The following NGF variants were observed in gnomAD, a reference collection of about 807,000 sequenced individuals.
The protein encoded by NGF is beta-nerve growth factor.
Under a neutral mutation model 12.8 loss-of-function variants are expected in NGF, and 4 were observed. That is an observed-to-expected ratio of 0.31 (90% confidence interval 0.15 to 0.72). NGF has a LOEUF of 0.72. NGF is among the 30% of genes least tolerant of loss of function. The pLI, the probability that NGF is intolerant of heterozygous loss-of-function variation, is 0.69. For synonymous variants in NGF, 140 were observed against 130.0 expected (o/e 1.08, Z -0.52); for missense variants, 283 against 330.8 (o/e 0.86, Z 1.12).
intron 1 of NGF, among the ~76,000 whole-genome samples, chr1:115,294,301 C>T (rs983304747): frequency 1.3e-5 from 2 of 152,278 alleles, no homozygotes; most frequent in South Asian, 4.1e-4. Flanking sequence ...GAGTACCACA[C>T]TGAAAGGCAG....
intron 1 of NGF, among the ~76,000 whole-genome samples, chr1:115,332,564 C>T (rs1654950986): frequency 6.6e-6 from 1 of 152,134 alleles, no homozygotes; most frequent in Admixed American, 6.5e-5. Context: ...TCAGCCCTTC[C>T]AAGGGAGAAC....
intron 1 of NGF, among the ~76,000 whole-genome samples, chr1:115,326,890 T>A (rs1654794147): frequency 6.6e-6 from 1 of 152,196 alleles, no homozygotes; most frequent in African/African-American, 2.4e-5. Flanking sequence ...GCAACAGCCC[T>A]AATAGATATG....
chr1:115,312,743 T>C (rs1654367235), intron 1 of NGF, among the ~76,000 whole-genome samples: 1 of 152,182 alleles, frequency 6.6e-6, no homozygotes, highest in Admixed American at 6.5e-5. Flanking sequence ...GACCTTAATA[T>C]TGACCTTGAA....
intron 1 of NGF, among the ~76,000 whole-genome samples, chr1:115,326,613 C>T (rs1260139366): frequency 6.6e-6 from 1 of 152,126 alleles, no homozygotes; most frequent in Non-Finnish European, 1.5e-5. Flanking sequence ...CAATGCCTGG[C>T]ACAGACCTCC....
chr1:115,320,968 G>A (rs966655723), intron 1 of NGF, among the ~76,000 whole-genome samples: 3 of 152,158 alleles, frequency 2.0e-5, no homozygotes, highest in Admixed American at 6.5e-5. Flanking sequence ...GCTGCAGTCC[G>A]CCACTATGTG....
intron 1 of NGF, among the ~76,000 whole-genome samples, chr1:115,322,719 T>C (rs1418253178): frequency 6.6e-6 from 1 of 152,186 alleles, no homozygotes; most frequent in African/African-American, 2.4e-5. Context: ...TTAATAATTA[T>C]AGCAACATTT....
chr1:115,334,652 A>G (rs910458917), intron 1 of NGF, among the ~76,000 whole-genome samples: 3 of 152,114 alleles, frequency 2.0e-5, no homozygotes, highest in East Asian at 3.9e-4. Context: ...CTTATTGGTA[A>G]TTTCCAAAAG....
At chr1:115,321,576 A>ATGTGTGTGTGTG (rs59590858) in intron 1 of NGF, among the ~76,000 whole-genome samples, 1 of 133,188 alleles carries the variant, frequency 7.5e-6, no homozygotes, top group Non-Finnish European at 1.6e-5. Flanking sequence ...TGTGTATGGG[A>ATGTGTGTGTGTG]TGTGTGTGTG....
chr1:115,297,567 C>T (rs566796398), intron 1 of NGF, among the ~76,000 whole-genome samples: 31 of 152,236 alleles, frequency 2.0e-4, no homozygotes, highest in African/African-American at 4.1e-4. Flanking sequence ...TGATTAATGG[C>T]GAACTGTTCA....
chr1:115,288,160 T>G (rs1653574212), intron 2 of NGF, among the ~76,000 whole-genome samples: 1 of 152,208 alleles, frequency 6.6e-6, no homozygotes, highest in Admixed American at 6.5e-5. Context: ...TCTTTTGCCA[T>G]TCTGCACTTC....
chr1:115,335,858 T>C (rs992421182), intron 1 of NGF, among the ~76,000 whole-genome samples: 3 of 152,172 alleles, frequency 2.0e-5, no homozygotes, highest in African/African-American at 7.2e-5. Flanking sequence ...AAGCACTCCA[T>C]CAATGAGCAG....
At chr1:115,298,700 G>T (rs1409157216) in intron 1 of NGF, among the ~76,000 whole-genome samples, 1 of 151,910 alleles carries the variant, frequency 6.6e-6, no homozygotes, top group East Asian at 1.9e-4. Flanking sequence ...TAAATCTTTG[G>T]TGTTAAAAAT....
At chr1:115,320,153 G>A (rs1654577948) in intron 1 of NGF, among the ~76,000 whole-genome samples, 1 of 152,090 alleles carries the variant, frequency 6.6e-6, no homozygotes, top group Non-Finnish European at 1.5e-5. Flanking sequence ...AAAGGGCAGT[G>A]TTTGTGTCAC....
intron 1 of NGF, among the ~76,000 whole-genome samples, chr1:115,302,939 C>T (rs1012500329): frequency 6.6e-6 from 1 of 152,240 alleles, no homozygotes; most frequent in Non-Finnish European, 1.5e-5. Flanking sequence ...GTCCCCTCAT[C>T]TGTGTCCACC....
intron 1 of NGF, 46 bp downstream of exon 1, chr1:115,338,158 C>CCGCGCT (rs1269614088): frequency 6.6e-6 from 1 of 152,650 alleles, no homozygotes; most frequent in Non-Finnish European, 1.5e-5. Context: ...CTGCCCGCGC[C>CCGCGCT]CGCGCTGCGC....
Position 115,311,176 on chromosome 1 carries a change from A to G in NGF, c.-136-17426T>C, listed in dbSNP as rs549278123. On this transcript the variant is annotated intron_variant, in intron 1 of 2. Transcript: ENST00000369512. ...GGGAACATACTAACTGATAATCCAC[A>G]AAACTGAAAATTCATTTATCATTAG... Among the ~76,000 whole-genome samples the G allele has an allele frequency of 3.3e-5, 5 of 152,348 alleles. No individual in the cohort carries two copies. The East Asian group carries it at 9.7e-4, about 29-fold the overall frequency.
At chr1:115,324,841 T>G (rs1654730611) in intron 1 of NGF, among the ~76,000 whole-genome samples, 1 of 152,224 alleles carries the variant, frequency 6.6e-6, no homozygotes, top group Non-Finnish European at 1.5e-5. Context: ...GTGTCTGTGC[T>G]ATCCTTGTCA....
intron 1 of NGF, among the ~76,000 whole-genome samples, chr1:115,326,468 G>C (rs4839436): frequency 0.35 from 53,396 of 151,970 alleles, 10,691 homozygotes; most frequent in East Asian, 0.6. Context: ...AACTGAAAAT[G>C]AGGGCACTAT....
chr1:115,332,151 A>T (rs1482335505), intron 1 of NGF, among the ~76,000 whole-genome samples: 1 of 152,210 alleles, frequency 6.6e-6, no homozygotes, highest in Admixed American at 6.5e-5. Context: ...AAGGAAGCAA[A>T]ACATTCTTAA....
Sources: allele counts gnomAD v4.1 joint callset (sites outside exome capture counted in the v4.1 genomes callset), GRCh38; gene constraint gnomAD v4.1.1; transcripts MANE v1.5; gene names NCBI Gene and HGNC (gene_info 2026-07-23, HGNC 2026-07-21).